The following IL10RB variants were observed in gnomAD, a reference collection of about 807,000 sequenced individuals.
The protein encoded by IL10RB is interleukin-10 receptor subunit beta.
In IL10RB, 30 loss-of-function variants were observed where a neutral mutation model predicts 38.7. That is an observed-to-expected ratio of 0.78 (90% CI 0.58 to 1.05). IL10RB has a LOEUF of 1.05. IL10RB is among the 50% of genes least tolerant of loss of function. IL10RB has a pLI of 0.00. For synonymous variants in IL10RB, 142 were observed against 145.9 expected (o/e 0.97, Z 0.19); for missense variants, 328 against 397.1 (o/e 0.83, Z 1.48).
chr21:33,298,568 C>T (rs1220691110), downstream of IL10RB, among the ~76,000 whole-genome samples: 1 of 152,128 alleles, frequency 6.6e-6, no homozygotes, highest in East Asian at 1.9e-4. Context: ...GAGCCAAGAT[C>T]GTGCCACTGC....
chr21:33,290,971 G>C (rs1463592290), intron 6 of IL10RB, among the ~76,000 whole-genome samples: 1 of 152,214 alleles, frequency 6.6e-6, no homozygotes, highest in Non-Finnish European at 1.5e-5. Context: ...GGTTTCCTTG[G>C]AGGCTGTGAG....
intron 6 of IL10RB, among the ~76,000 whole-genome samples, chr21:33,292,307 T>C (rs1163528252): frequency 6.6e-6 from 1 of 152,148 alleles, no homozygotes; most frequent in Non-Finnish European, 1.5e-5. Flanking sequence ...TCTCCCTGGT[T>C]GGGGCTGAAG....
chr21:33,289,468 C>T (rs1384563967), intron 6 of IL10RB, among the ~76,000 whole-genome samples: 1 of 152,206 alleles, frequency 6.6e-6, no homozygotes, highest in African/African-American at 2.4e-5. Flanking sequence ...TCTCCTCTCC[C>T]GGGAGGAGCC....
At chr21:33,298,250 A>C (rs1463512663), downstream of IL10RB, among the ~76,000 whole-genome samples, 10 of 152,134 alleles carry the variant, frequency 6.6e-5, no homozygotes, top group Admixed American at 6.5e-4. Flanking sequence ...CATAAAATTA[A>C]CCATCATAGG....
At chr21:33,306,225 A>T (rs1030824614) in intron 1 of IL10RB, among the ~76,000 whole-genome samples, 5 of 152,184 alleles carry the variant, frequency 3.3e-5, no homozygotes, top group African/African-American at 1.2e-4. Context: ...GGCCTACAGC[A>T]CCCAGGGAAG....
chr21:33,280,127 A>G lies in IL10RB; in HGVS notation c.498+209A>G, dbSNP rs1989254178. 2.0e-5 allele frequency among the ~76,000 whole-genome samples: 3 copies of G among 152,212 alleles called. No individual in the cohort carries two copies. In the South Asian group the frequency reaches 6.2e-4, roughly 32 times the overall value. ...AGGACAAAGTCTGCACAGTGACAGCAGACCTTTCCCTCCCTGAAGGGCAGC... is the reference window on the plus strand; with the variant it reads ...AGGACAAAGTCTGCACAGTGACAGCGGACCTTTCCCTCCCTGAAGGGCAGC... On this transcript the variant is annotated intron_variant, in intron 4 of 6. Transcript: ENST00000290200.
At chr21:33,304,155 G>A (rs2082992745) in intron 1 of IL10RB, among the ~76,000 whole-genome samples, 1 of 152,214 alleles carries the variant, frequency 6.6e-6, no homozygotes, top group African/African-American at 2.4e-5. Context: ...AGCACAATGA[G>A]CATTTCTGCC....
At chr21:33,292,100 TC>T (rs1485591591) in intron 6 of IL10RB, among the ~76,000 whole-genome samples, 1 of 152,148 alleles carries the variant, frequency 6.6e-6, no homozygotes, top group East Asian at 1.9e-4. Context: ...CTCCAGCTAC[TC>T]CCTCAGGTCC....
At chr21:33,284,506 C>A (rs925947023) in intron 5 of IL10RB, among the ~76,000 whole-genome samples, 31 of 152,292 alleles carry the variant, frequency 2.0e-4, no homozygotes, top group African/African-American at 7.0e-4. Flanking sequence ...TTAGAAGGAT[C>A]TTCTCCCATT....
At chr21:33,298,599 G>C (rs1354082766), downstream of IL10RB, among the ~76,000 whole-genome samples, 1 of 152,114 alleles carries the variant, frequency 6.6e-6, no homozygotes. Flanking sequence ...GGGTGACAGA[G>C]CGAGACTCCA....
At chr21:33,290,448 G>T (rs1007122366) in intron 6 of IL10RB, among the ~76,000 whole-genome samples, 1 of 152,146 alleles carries the variant, frequency 6.6e-6, no homozygotes, top group Admixed American at 6.6e-5. Context: ...GATCTGCCCC[G>T]TGGGCCTTTG....
chr21:33,277,939 C>T (rs1167388776), intron 3 of IL10RB, among the ~76,000 whole-genome samples: 1 of 149,656 alleles, frequency 6.7e-6, no homozygotes, highest in African/African-American at 2.5e-5. Flanking sequence ...TCCCAAAGTG[C>T]TGGGATTACA....
intron 2 of IL10RB, among the ~76,000 whole-genome samples, chr21:33,270,482 G>A (rs1271349308): frequency 2.0e-5 from 3 of 151,420 alleles, no homozygotes; most frequent in African/African-American, 7.3e-5. Context: ...CCGGGTTCAC[G>A]CCATTCTCCT....
rs376228024 is a variant in IL10RB, at chr21:33,268,546, C to T, written c.173+29C>T. On this transcript the variant is annotated intron_variant, in intron 2 of 6. Transcript: ENST00000290200. ...GGTCTGGCCTCACTATTGGCAGGAA[C>T]GCACCGGAGGAGCCAGCCCTGGGCT... 51 of 1,523,908 alleles carry T rather than the reference C, an allele frequency of 3.3e-5. No homozygotes were observed. The East Asian group carries it at 5.0e-4, about 15-fold the overall frequency. The allele number at this position is 1,523,908 out of a possible 1,614,324, so 94.4% of individuals were successfully genotyped here.
rs1321830894 is a variant in IL10RB, at chr21:33,289,305, T to C, written c.804+1044T>C. Among the ~76,000 whole-genome samples, 3 of 152,126 alleles carry C rather than the reference T, an allele frequency of 2.0e-5. No individual in the cohort carries two copies. In the East Asian group the frequency reaches 5.8e-4, roughly 29 times the overall value. ...ACCACTTGGATCTACTGGAAGCAGC[T>C]CCTCCAGGATCTGAGTTGATCTCGT... On this transcript the variant is annotated intron_variant, in intron 6 of 6. Transcript: ENST00000290200.
chr21:33,290,794 T>G (rs986583558), intron 6 of IL10RB, among the ~76,000 whole-genome samples: 1 of 152,218 alleles, frequency 6.6e-6, no homozygotes, highest in Non-Finnish European at 1.5e-5. Context: ...GGGTCCCGCC[T>G]TCACTGTCAG....
At chr21:33,275,429 T>TA (rs1453327799) in intron 2 of IL10RB, among the ~76,000 whole-genome samples, 3 of 152,192 alleles carry the variant, frequency 2.0e-5, no homozygotes, top group African/African-American at 7.2e-5. Context: ...GTGCTGGGAT[T>TA]ACAGGCGTGA....
chr21:33,266,969 TC>T (rs751793384), intron 1 of IL10RB, among the ~76,000 whole-genome samples: 237 of 151,690 alleles, frequency 1.6e-3, no homozygotes, highest in Middle Eastern at 3.4e-3. Context: ...GTGCCAGCCC[TC>T]CCTACAGATG....
intron 6 of IL10RB, among the ~76,000 whole-genome samples, chr21:33,289,672 T>G (rs1601836408): frequency 6.6e-6 from 1 of 152,224 alleles, no homozygotes; most frequent in African/African-American, 2.4e-5. Context: ...CAGTGGTGAC[T>G]TCTCTCTTGC....
Sources: gnomAD v4.1 joint callset for allele counts (sites outside exome capture counted in the v4.1 genomes callset) on GRCh38, gnomAD v4.1.1 for gene constraint, MANE v1.5 for transcripts, NCBI Gene and HGNC (gene_info 2026-07-23, HGNC 2026-07-21) for gene names.